Variants in VPS39 observed in about 807,000 individuals in gnomAD.
The protein encoded by VPS39 is VPS39 subunit of HOPS complex.
VPS39 carries 70 observed loss-of-function variants against 121.0 expected under a neutral mutation model. The ratio of observed to expected loss-of-function variants is 0.58; its 90% CI spans 0.48 to 0.71. The LOEUF (loss-of-function observed/expected upper bound fraction) is 0.71. VPS39 is among the 30% of genes least tolerant of loss of function. The probability of loss-of-function intolerance (pLI) is 0.00; values close to 1 mark genes in which losing one functional copy is unlikely to be tolerated. For missense variants in VPS39, 818 were observed against 1,051.5 expected (o/e 0.78, Z 3.07); for synonymous variants, 378 against 398.1 (o/e 0.95, Z 0.60).
Position 42,160,776 on chromosome 15 carries a change from T to C in VPS39, c.2606A>G (p.Glu869Gly), listed in dbSNP as rs1219939634. 6.2e-7 allele frequency: 1 copy of C among 1,614,180 alleles called. No individual in the cohort carries two copies. The highest frequency in any genetic ancestry group is 8.5e-7 in the Non-Finnish European group (1 of 1,180,032). Residue 869 changes from glutamate to glycine, a missense_variant, in exon 25 of 25, where the codon GAG becomes GGG. Coordinates refer to ENST00000318006, the MANE Select transcript of VPS39 (RefSeq NM_015289.5). ...GVVVHYFCSK[E>G]VNPADT is the part of the protein sequence containing the mutation. ...GGCTCAAGTGTCAGCTGGGTTTACCTCTTTGGAACAGAAGTAATGGACGAC... is the reference window on the plus strand; with the variant it reads ...GGCTCAAGTGTCAGCTGGGTTTACCCCTTTGGAACAGAAGTAATGGACGAC...
intron 17 of VPS39, 57 bp from the exon 18 acceptor site, chr15:42,165,170 C>T: frequency 6.5e-7 from 1 of 1,526,760 alleles, no homozygotes; most frequent in Non-Finnish European, 9.1e-7. Flanking sequence ...ACCTGGTCTC[C>T]CAGCCTCCCT....
chr15:42,170,607 C>T (rs1595649197), intron 11 of VPS39, among the ~76,000 whole-genome samples: 1 of 152,234 alleles, frequency 6.6e-6, no homozygotes, highest in African/African-American at 2.4e-5. Context: ...ACAAGACCAA[C>T]TGACAAGAGA....
At chr15:42,179,866 G>A (rs1464988337) in intron 8 of VPS39, among the ~76,000 whole-genome samples, 1 of 152,082 alleles carries the variant, frequency 6.6e-6, no homozygotes, top group East Asian at 1.9e-4. Flanking sequence ...TTGGGAGGTG[G>A]GGCCTAATGG....
At chr15:42,161,487 T>TTA in intron 24 of VPS39, 195 bp downstream of exon 24, 1 of 716,378 alleles carries the variant, frequency 1.4e-6, no homozygotes, top group Non-Finnish European at 2.5e-6. Flanking sequence ...ACATTGCAGG[T>TTA]CTTTAAATTC....
intron 2 of VPS39, chr15:42,192,243 C>T (rs2049843829): frequency 1.2e-6 from 1 of 829,890 alleles, no homozygotes; most frequent in African/African-American, 1.7e-5. Context: ...GAGCAGCTAT[C>T]ATGAAGCAAT....
At chr15:42,207,001 C>T (rs1349281047) in intron 1 of VPS39, among the ~76,000 whole-genome samples, 1 of 152,132 alleles carries the variant, frequency 6.6e-6, no homozygotes, top group Non-Finnish European at 1.5e-5. Context: ...ACTAGAACTG[C>T]TTACTGTGGA....
rs2049200671 is a variant in VPS39, at chr15:42,164,406, A to G, written c.1978T>C (p.Ser660Pro). The G allele has an allele frequency of 6.2e-7, 1 of 1,614,204 alleles. No individual in the cohort carries two copies. The highest frequency in any genetic ancestry group is 8.5e-7 in the Non-Finnish European group (1 of 1,180,014). The change falls in exon 19 of 25, where the codon TCC (serine) becomes CCC (proline). Residue 660 changes from serine (S) to proline (P), a missense_variant. Coordinates refer to ENST00000318006, the MANE Select transcript of VPS39 (RefSeq NM_015289.5). ...AGCCGGCCTGGATCATAGTAGCTGGAAATCTCCAAGAACATGAGGAGCTTT... is the reference window on the plus strand; with the variant it reads ...AGCCGGCCTGGATCATAGTAGCTGGGAATCTCCAAGAACATGAGGAGCTTT... ...RQKLLMFLEI[S>P]SYYDPGRLIC...
intron 11 of VPS39, among the ~76,000 whole-genome samples, chr15:42,171,923 G>C (rs2049354402): frequency 6.6e-6 from 1 of 151,992 alleles, no homozygotes; most frequent in African/African-American, 2.4e-5. Context: ...GAAGCAGAGG[G>C]GAGCCAAACC....
chr15:42,174,869 G>T (rs145688962), intron 10 of VPS39, among the ~76,000 whole-genome samples: 93 of 152,254 alleles, frequency 6.1e-4, no homozygotes, highest in African/African-American at 2.1e-3. Context: ...AGCTACTCAG[G>T]AGGCCAAGGC....
intron 1 of VPS39, among the ~76,000 whole-genome samples, chr15:42,203,567 C>T (rs919474047): frequency 1.3e-5 from 2 of 150,808 alleles, no homozygotes; most frequent in East Asian, 1.9e-4. Context: ...TGAACACTGG[C>T]GGCGGAGGTT....
At chr15:42,177,664 T>C (rs2049482645) in intron 10 of VPS39, among the ~76,000 whole-genome samples, 1 of 149,006 alleles carries the variant, frequency 6.7e-6, no homozygotes. Flanking sequence ...ATTCTCCCAT[T>C]AATTTTTTTT....
intron 10 of VPS39, among the ~76,000 whole-genome samples, chr15:42,177,162 T>A (rs1335903218): frequency 0.091 from 5,109 of 56,338 alleles, 1,246 homozygotes; most frequent in African/African-American, 0.17. Flanking sequence ...GACCCTGTTT[T>A]AAAAAAAAAA....
At chr15:42,207,093 C>T (rs568939639) in intron 1 of VPS39, among the ~76,000 whole-genome samples, 75 of 152,158 alleles carry the variant, frequency 4.9e-4, no homozygotes, top group Non-Finnish European at 8.2e-4. Context: ...AAGAACCCTA[C>T]AGAAGAAGTC....
At chr15:42,162,535 C>T in intron 21 of VPS39, 54 bp from the exon 22 acceptor site, 1 of 1,542,452 alleles carries the variant, frequency 6.5e-7, no homozygotes, top group Non-Finnish European at 8.8e-7. Context: ...TCCCAGAACC[C>T]CCAGCACTGA....
At position 42,164,373 on chromosome 15, in the gene VPS39, C is replaced by T. The variant is rs2049199322; in HGVS notation, c.2011G>A (p.Asp671Asn). The T allele has an allele frequency of 6.2e-7, 1 of 1,613,994 alleles. No homozygotes were observed. Among genetic ancestry groups the T allele is most frequent in the African/African-American group, 1.3e-5 (1 of 74,924 alleles). ...SYYDPGRLICDFPFDGLLEER... is the reference protein window; with the variant it reads ...SYYDPGRLICNFPFDGLLEER... ...AGACACTCACCATCAAAGGGAAAAT[C>T]ACAGATGAGCCGGCCTGGATCATAG... The change falls in exon 19 of 25, where the codon GAT (aspartate) becomes AAT (asparagine). Residue 671 changes from aspartate to asparagine, a missense_variant. Coordinates refer to ENST00000318006, the MANE Select transcript of VPS39 (RefSeq NM_015289.5).
At chr15:42,163,136 A>G (rs930223092) in intron 21 of VPS39, among the ~76,000 whole-genome samples, 2 of 152,226 alleles carry the variant, frequency 1.3e-5, no homozygotes, top group African/African-American at 2.4e-5. Flanking sequence ...CAGGAGTGCT[A>G]TTAATCACAG....
Position 42,184,710 on chromosome 15 carries a change from GA to G in VPS39, c.535-11del. 1 of 1,602,228 alleles carries G rather than the reference GA, an allele frequency of 6.2e-7. No homozygotes were observed. The highest frequency in any genetic ancestry group is 8.5e-7 in the Non-Finnish European group (1 of 1,174,534). ...ACCCCTTTCCATCCACCTATAGGAA[GA>G]AACAGAGTGAGTCACCTAGCATTCC... is the stretch of plus-strand genomic sequence containing the variant. On this transcript the variant is annotated splice_polypyrimidine_tract_variant and intron_variant, in intron 7 of 24. Transcript: ENST00000318006.
intron 10 of VPS39, among the ~76,000 whole-genome samples, chr15:42,174,536 T>C (rs1294374297): frequency 6.6e-6 from 1 of 152,180 alleles, no homozygotes; most frequent in Non-Finnish European, 1.5e-5. Flanking sequence ...ATAGAAAAAC[T>C]GGCCAAATCT....
At position 42,159,181 on chromosome 15, in the gene VPS39, G is replaced by T. The variant is rs2049080245; in HGVS notation, c.*1573C>A. The T allele has an allele frequency of 6.6e-6, 1 of 152,264 alleles. No individual in the cohort carries two copies. Among genetic ancestry groups the T allele is most frequent in the African/African-American group, 2.4e-5 (1 of 41,454 alleles). 9.4% of individuals were successfully genotyped at this position (152,264 alleles called of 1,614,324 possible). ...GGCCTGAGCAGAGTCTCCCACATCT[G>T]CGAATGGGGCCAATGGCACTCACTG... On this transcript the variant is annotated 3_prime_UTR_variant, in exon 25 of 25. Coordinates refer to ENST00000318006, the MANE Select transcript of VPS39 (RefSeq NM_015289.5).
Sources: gnomAD v4.1 joint callset for allele counts (sites outside exome capture counted in the v4.1 genomes callset) on GRCh38, gnomAD v4.1.1 for gene constraint, MANE v1.5 for transcripts, NCBI Gene and HGNC (gene_info 2026-07-23, HGNC 2026-07-21) for gene names.